Variants in GSK3B observed in about 807,000 individuals in gnomAD.
GSK3B encodes the protein glycogen synthase kinase 3 beta.
Under a neutral mutation model 56.4 loss-of-function variants are expected in GSK3B, and 15 were observed. That is an observed-to-expected ratio of 0.27 (90% confidence interval 0.18 to 0.41). The LOEUF (loss-of-function observed/expected upper bound fraction) is 0.41, where lower values mean the gene tolerates loss of function less well. Among genes scored for constraint, GSK3B ranks in the 10% least tolerant of loss-of-function variants. The pLI is 1.00. For missense variants in GSK3B, 300 were observed against 513.4 expected (o/e 0.58, Z 4.02); for synonymous variants, 181 against 188.9 (o/e 0.96, Z 0.34).
At chr3:119,994,935 G>T (rs2057600379) in intron 2 of GSK3B, among the ~76,000 whole-genome samples, 3 of 151,972 alleles carry the variant, frequency 2.0e-5, no homozygotes, top group Admixed American at 1.3e-4. Flanking sequence ...TAATTATTAT[G>T]TGGTTACATA....
chr3:119,903,228 C>T (rs1456705861), intron 7 of GSK3B, among the ~76,000 whole-genome samples: 2 of 152,150 alleles, frequency 1.3e-5, no homozygotes, highest in African/African-American at 2.4e-5. Context: ...TGGGCAGCCA[C>T]GGTCAAGAAC....
At chr3:120,045,784 GT>G (rs1326043248) in intron 1 of GSK3B, among the ~76,000 whole-genome samples, 1 of 152,256 alleles carries the variant, frequency 6.6e-6, no homozygotes, top group African/African-American at 2.4e-5. Flanking sequence ...GAACACAAAT[GT>G]TTACAGTAGT....
chr3:119,902,214 A>G (rs555648932), intron 7 of GSK3B, among the ~76,000 whole-genome samples: 1 of 152,286 alleles, frequency 6.6e-6, no homozygotes, highest in African/African-American at 2.4e-5. Context: ...ACAAACACAT[A>G]TAACTTCTCT....
chr3:119,869,087 A>C (rs1298509808), intron 8 of GSK3B, among the ~76,000 whole-genome samples: 2 of 151,616 alleles, frequency 1.3e-5, no homozygotes, highest in African/African-American at 2.4e-5. Context: ...AGCCAGGTGT[A>C]GTGGTGGGTG....
intron 8 of GSK3B, among the ~76,000 whole-genome samples, chr3:119,865,460 ATATATATTTTTTT>A (rs1168683924): frequency 3.0e-3 from 86 of 28,458 alleles, no homozygotes; most frequent in Non-Finnish European, 5.2e-3. Flanking sequence ...ATATATATAT[ATATATATTTTTTT>A]TTTTTTTTTT....
At chr3:119,932,418 G>A (rs1413218251) in intron 3 of GSK3B, among the ~76,000 whole-genome samples, 1 of 151,948 alleles carries the variant, frequency 6.6e-6, no homozygotes, top group Non-Finnish European at 1.5e-5. Context: ...AATGGGAAAG[G>A]GTAGGCACCT....
At chr3:119,978,022 T>G (rs2057423625) in intron 2 of GSK3B, among the ~76,000 whole-genome samples, 1 of 152,166 alleles carries the variant, frequency 6.6e-6, no homozygotes, top group African/African-American at 2.4e-5. Flanking sequence ...GGCAGTGAAA[T>G]TGAGGGTCAT....
chr3:120,019,977 T>G (rs2057858622), intron 1 of GSK3B, among the ~76,000 whole-genome samples: 1 of 152,306 alleles, frequency 6.6e-6, no homozygotes, highest in Non-Finnish European at 1.5e-5. Flanking sequence ...AAACTTACTA[T>G]GAAAAAATAC....
At chr3:120,051,132 T>C (rs991326680) in intron 1 of GSK3B, among the ~76,000 whole-genome samples, 38 of 150,020 alleles carry the variant, frequency 2.5e-4, no homozygotes, top group African/African-American at 9.3e-4. Context: ...AATTTCTTTT[T>C]TTTTTTTTTT....
At chr3:119,961,218 T>C (rs1451583870) in intron 2 of GSK3B, among the ~76,000 whole-genome samples, 1 of 152,122 alleles carries the variant, frequency 6.6e-6, no homozygotes, top group Non-Finnish European at 1.5e-5. Context: ...AAGAGCCCTA[T>C]CCTCACAGGG....
chr3:119,858,830 T>C (rs1236445480), intron 9 of GSK3B, among the ~76,000 whole-genome samples: 2 of 152,174 alleles, frequency 1.3e-5, no homozygotes, highest in Admixed American at 6.6e-5. Context: ...GGTTATTAAA[T>C]GGCCTAATTT....
chr3:119,917,085 A>G (rs2107458617), intron 4 of GSK3B, among the ~76,000 whole-genome samples: 1 of 152,308 alleles, frequency 6.6e-6, no homozygotes, highest in South Asian at 2.1e-4. Context: ...CACCATGGAC[A>G]GAATTTTTGA....
chr3:119,875,377 T>C (rs1048640821), intron 8 of GSK3B, among the ~76,000 whole-genome samples: 1 of 152,054 alleles, frequency 6.6e-6, no homozygotes, highest in African/African-American at 2.4e-5. Flanking sequence ...CCTCGAATTA[T>C]AAAAGATCTA....
In GSK3B at chr3:119,837,316, G is replaced by A. The variant is rs1024935161; in HGVS notation, c.1195+5939C>T. The stretch of plus-strand genomic sequence containing the variant: ...ACTATAGGCACCCGCTACTACGCCC[G>A]GCTAATTTTTTTTTTTTTTTTTGTA... On this transcript the variant is annotated intron_variant, in intron 10 of 10. Coordinates refer to ENST00000264235, the MANE Select transcript of GSK3B (RefSeq NM_001146156.2). Among the ~76,000 whole-genome samples, 10 of 103,718 alleles carry A rather than the reference G, an allele frequency of 9.6e-5. No individual in the cohort carries two copies. In the South Asian group the frequency reaches 1.2e-3, roughly 12 times the overall value. The allele number at this position is 103,718 out of a possible 152,430, so 68.0% of individuals were successfully genotyped here. A position where few individuals can be genotyped will look rare whatever the true frequency, so the allele number is the denominator to read the frequency against.
At chr3:119,976,385 T>C (rs974494033) in intron 2 of GSK3B, among the ~76,000 whole-genome samples, 2 of 152,202 alleles carry the variant, frequency 1.3e-5, no homozygotes, top group African/African-American at 4.8e-5. Flanking sequence ...TGGAATATTA[T>C]TCAGCCATAA....
At chr3:120,003,079 T>A (rs886467690) in intron 1 of GSK3B, among the ~76,000 whole-genome samples, 1 of 152,310 alleles carries the variant, frequency 6.6e-6, no homozygotes, top group Middle Eastern at 3.4e-3. Flanking sequence ...AAAGCTCAGG[T>A]GGAGAAAAGA....
intron 7 of GSK3B, among the ~76,000 whole-genome samples, chr3:119,901,161 A>G (rs956959375): frequency 9.9e-5 from 15 of 152,104 alleles, no homozygotes; most frequent in African/African-American, 3.6e-4. Flanking sequence ...TTCCAAAAAT[A>G]TTTTATTTTT....
chr3:120,017,456 A>G (rs1358359311), intron 1 of GSK3B, among the ~76,000 whole-genome samples: 4 of 152,194 alleles, frequency 2.6e-5, no homozygotes, highest in African/African-American at 9.6e-5. Flanking sequence ...TCAATATTGC[A>G]TTCTGACAAC....
chr3:119,838,643 A>G (rs2055728381), intron 10 of GSK3B, among the ~76,000 whole-genome samples: 2 of 152,204 alleles, frequency 1.3e-5, no homozygotes, highest in African/African-American at 4.8e-5. Flanking sequence ...TTATGGCTAC[A>G]TAAAAATGGA....
Sources: allele counts gnomAD v4.1 joint callset (sites outside exome capture counted in the v4.1 genomes callset), GRCh38; gene constraint gnomAD v4.1.1; transcripts MANE v1.5; gene names NCBI Gene and HGNC (gene_info 2026-07-23, HGNC 2026-07-21).